Variants in LSAMP observed in about 807,000 individuals in gnomAD.
LSAMP encodes the protein limbic system-associated membrane protein.
In LSAMP, 7 loss-of-function variants were observed where a neutral mutation model predicts 38.6. The ratio of observed to expected loss-of-function variants is 0.18; its 90% confidence interval spans 0.10 to 0.34. The LOEUF is 0.34. Among genes scored for constraint, LSAMP ranks in the 10% least tolerant of loss-of-function variants. LSAMP has a pLI of 1.00. For synonymous variants in LSAMP, 154 were observed against 166.8 expected, an observed-to-expected ratio of 0.92 and a Z score of 0.59; for missense variants, 313 against 420.0, an observed-to-expected ratio of 0.75 and a Z score of 2.23.
intron 1 of LSAMP, among the ~76,000 whole-genome samples, chr3:116,273,703 TATATAC>T (rs1474911894): frequency 2.4e-5 from 3 of 127,084 alleles, no homozygotes; most frequent in Admixed American, 7.8e-5. Flanking sequence ...TATATATATA[TATATAC>T]ACACACACAC....
At chr3:116,413,997 A>G (rs1320622396) in intron 1 of LSAMP, among the ~76,000 whole-genome samples, 2 of 152,022 alleles carry the variant, frequency 1.3e-5, no homozygotes, top group South Asian at 2.1e-4. Context: ...TAGTTAATCA[A>G]TTCTAAGAAG....
intron 4 of LSAMP, among the ~76,000 whole-genome samples, chr3:115,850,961 A>ATC (rs111466687): frequency 0.16 from 24,145 of 150,718 alleles, 2,703 homozygotes; most frequent in African/African-American, 0.29. Flanking sequence ...ACAAATATAA[A>ATC]TCTCTCTCTC....
intron 6 of LSAMP, among the ~76,000 whole-genome samples, chr3:115,810,776 G>A (rs994191079): frequency 6.6e-6 from 1 of 152,148 alleles, no homozygotes; most frequent in African/African-American, 2.4e-5. Context: ...ACTCGTTAAG[G>A]TTCCAAGCAT....
chr3:115,976,958 A>G (rs943823174), intron 3 of LSAMP, among the ~76,000 whole-genome samples: 4 of 152,152 alleles, frequency 2.6e-5, no homozygotes, highest in African/African-American at 9.7e-5. Context: ...GAATGGACTA[A>G]TACAGTGAGT....
At chr3:115,920,352 T>C (rs146310964) in intron 3 of LSAMP, among the ~76,000 whole-genome samples, 41 of 152,326 alleles carry the variant, frequency 2.7e-4, no homozygotes, top group Admixed American at 2.6e-3. Context: ...CCAACACTTG[T>C]TATTTTCTAT....
At chr3:115,905,953 C>A (rs1327058741) in intron 3 of LSAMP, among the ~76,000 whole-genome samples, 1 of 152,098 alleles carries the variant, frequency 6.6e-6, no homozygotes, top group African/African-American at 2.4e-5. Context: ...GGGGACACTA[C>A]AATGCCAAGG....
At chr3:116,134,687 A>T (rs1709207520) in intron 1 of LSAMP, among the ~76,000 whole-genome samples, 1 of 152,146 alleles carries the variant, frequency 6.6e-6, no homozygotes, top group South Asian at 2.1e-4. Context: ...GCCTGTGCTG[A>T]CCACATAGCC....
intron 1 of LSAMP, among the ~76,000 whole-genome samples, chr3:116,306,198 T>C (rs944061852): frequency 2.0e-5 from 3 of 152,016 alleles, no homozygotes; most frequent in African/African-American, 7.2e-5. Context: ...GTGAAGGAAT[T>C]ATTCTTAAAT....
chr3:116,075,290 C>A (rs933234781), intron 2 of LSAMP, among the ~76,000 whole-genome samples: 1 of 151,876 alleles, frequency 6.6e-6, no homozygotes, highest in Admixed American at 6.6e-5. Flanking sequence ...GCACGTGCCA[C>A]CACTCTTGGC....
At chr3:116,007,188 G>A (rs1940185336) in intron 3 of LSAMP, among the ~76,000 whole-genome samples, 1 of 152,122 alleles carries the variant, frequency 6.6e-6, no homozygotes, top group Non-Finnish European at 1.5e-5. Context: ...TGACTTCACA[G>A]AGCCTCATGG....
intron 1 of LSAMP, among the ~76,000 whole-genome samples, chr3:116,112,057 G>A (rs1708628098): frequency 6.6e-6 from 1 of 152,216 alleles, no homozygotes; most frequent in Admixed American, 6.5e-5. Flanking sequence ...CAGAAGCCAT[G>A]TGTTCTTGAT....
At chr3:116,248,477 ATGTG>A (rs3028670) in intron 1 of LSAMP, among the ~76,000 whole-genome samples, 4,741 of 140,578 alleles carry the variant, frequency 0.034, 116 homozygotes, top group Admixed American at 0.08. Flanking sequence ...CCTGTCTCTA[ATGTG>A]TGTGTGTGTG....
chr3:116,190,066 A>G (rs1419384868), intron 1 of LSAMP, among the ~76,000 whole-genome samples: 1 of 147,190 alleles, frequency 6.8e-6, no homozygotes, highest in African/African-American at 2.5e-5. Context: ...AGACACCACT[A>G]TGAGCCTCAG....
At chr3:116,187,149 G>A (rs942604537) in intron 1 of LSAMP, among the ~76,000 whole-genome samples, 4 of 152,062 alleles carry the variant, frequency 2.6e-5, no homozygotes, top group African/African-American at 4.8e-5. Flanking sequence ...TATTTTGCAC[G>A]CTTTTCATAT....
chr3:115,968,344 C>T (rs12494795), intron 3 of LSAMP, among the ~76,000 whole-genome samples: 40,475 of 151,920 alleles, frequency 0.27, 6,531 homozygotes, highest in African/African-American at 0.46. Flanking sequence ...CCAAGGTCCA[C>T]GGCAATTACT....
intron 1 of LSAMP, among the ~76,000 whole-genome samples, chr3:116,289,545 C>T (rs2047236589): frequency 6.6e-6 from 1 of 152,132 alleles, no homozygotes; most frequent in Admixed American, 6.5e-5. Context: ...GACCCACTGA[C>T]TTTGCAATCA....
At chr3:115,886,579 T>C (rs1046320097) in intron 3 of LSAMP, among the ~76,000 whole-genome samples, 2 of 152,050 alleles carry the variant, frequency 1.3e-5, no homozygotes, top group Admixed American at 6.6e-5. Context: ...GTAAGTATTT[T>C]ATTCCTAGGT....
chr3:115,919,754 G>A (rs1937339524), intron 3 of LSAMP, among the ~76,000 whole-genome samples: 1 of 152,148 alleles, frequency 6.6e-6, no homozygotes, highest in Non-Finnish European at 1.5e-5. Context: ...TGGGATTACA[G>A]GCAGGCACCA....
chr3:115,814,147 T>C (rs1032064930), intron 6 of LSAMP: 1 of 152,156 alleles, frequency 6.6e-6, no homozygotes. Flanking sequence ...CAGAAAGAGA[T>C]GAAATACCAA....
Sources: allele counts gnomAD v4.1 joint callset (sites outside exome capture counted in the v4.1 genomes callset), GRCh38; gene constraint gnomAD v4.1.1; transcripts MANE v1.5; gene names NCBI Gene and HGNC (gene_info 2026-07-23, HGNC 2026-07-21).